The following ZNF85 variants were observed in gnomAD, a reference collection of about 807,000 sequenced individuals.
ZNF85 encodes the protein zinc finger protein 85 (HPF4, HTF1).
A neutral mutation model predicts 53.9 loss-of-function variants in ZNF85; 50 were observed. That is an observed-to-expected ratio of 0.93 (90% CI 0.74 to 1.17). ZNF85 has a LOEUF of 1.17. ZNF85 is among the 50% of genes most tolerant of loss of function. The probability of loss-of-function intolerance (pLI) is 0.00; values close to 1 mark genes in which losing one functional copy is unlikely to be tolerated. For synonymous variants in ZNF85, 225 were observed against 226.1 expected (o/e 1.00, Z 0.04); for missense variants, 747 against 688.5 (o/e 1.08, Z -0.95).
chr19:20,932,295 G>A (rs1973041372), intron 1 of ZNF85, among the ~76,000 whole-genome samples: 1 of 152,124 alleles, frequency 6.6e-6, no homozygotes, highest in Non-Finnish European at 1.5e-5. Context: ...AGAATGCCAT[G>A]CAAATCATTA....
chr19:20,931,774 A>AT (rs1973028463), intron 1 of ZNF85, among the ~76,000 whole-genome samples: 1 of 151,456 alleles, frequency 6.6e-6, no homozygotes. Flanking sequence ...CGCCTGGCTA[A>AT]TTTTTTCTAT....
chr19:20,946,345 A>G (rs774706481), intron 3 of ZNF85: 3 of 433,984 alleles, frequency 6.9e-6, no homozygotes, highest in Non-Finnish European at 1.4e-5. Flanking sequence ...AGAAAGGTGT[A>G]TATCCTGATG....
rs778768749 is a variant in ZNF85, at chr19:20,949,728, A to C, written c.1214A>C (p.Lys405Thr). ...CCTTACAAATGTAAAGAATGTGGTA[A>C]AGCTTTTAAACACTCTTCAACCCTT... ...EKPYKCKECG[K>T]AFKHSSTLTK... is the part of the protein sequence containing the mutation. The change falls in exon 4 of 4, where the codon AAA (lysine) becomes ACA (threonine). Residue 405 changes from lysine to threonine, a missense_variant. By Grantham distance (78) the Lys-to-Thr change is moderately conservative. Transcript: ENST00000328178. 1.2e-6 allele frequency: 2 copies of C among 1,612,904 alleles called. No individual in the cohort carries two copies. Among genetic ancestry groups the C allele is most frequent in the East Asian group, 2.2e-5 (1 of 44,848 alleles).
chr19:20,949,030 A>G lies in ZNF85; in HGVS notation c.516A>G (p.Lys172=), dbSNP rs1568556667. ...ATGAGATAAGACATACTAAAAAGAA[A>G]CCTTTCAAATGTACAAAATGTGGCA... The part of the protein sequence containing the change: ...NRHEIRHTKK[K]PFKCTKCGKS... Residue 172 remains lysine (K), a synonymous_variant, in exon 4 of 4, where the codon AAA becomes AAG. Coordinates refer to ENST00000328178, the MANE Select transcript of ZNF85 (RefSeq NM_003429.5). 2.5e-6 allele frequency: 4 copies of G among 1,613,838 alleles called. No individual in the cohort carries two copies. Among genetic ancestry groups the G allele is most frequent in the Non-Finnish European group, 2.5e-6 (3 of 1,179,816 alleles).
rs140035339 is a variant in ZNF85, at chr19:20,937,961, C to T, written c.229+2914C>T. Reference sequence around the variant, plus strand: ...CTGAATGAGGGCCTGCCTTCCGAAACGGATACTCCTCAATCTTGGGCTTTA... The same window carrying T: ...CTGAATGAGGGCCTGCCTTCCGAAATGGATACTCCTCAATCTTGGGCTTTA... On this transcript the variant is annotated intron_variant, in intron 3 of 3. Transcript: ENST00000328178. Among the ~76,000 whole-genome samples the T allele has an allele frequency of 5.6e-3, 859 of 152,322 alleles. 4 individuals are homozygous for T. Among genetic ancestry groups the T allele is most frequent in the African/African-American group, 0.019 (785 of 41,560 alleles).
chr19:20,938,562 C>T (rs903865831), intron 3 of ZNF85, among the ~76,000 whole-genome samples: 1 of 152,112 alleles, frequency 6.6e-6, no homozygotes, highest in African/African-American at 2.4e-5. Context: ...TGATGTTACT[C>T]TCTATATACA....
intron 3 of ZNF85, among the ~76,000 whole-genome samples, chr19:20,947,674 G>C (rs1206165794): frequency 6.6e-6 from 1 of 151,044 alleles, no homozygotes; most frequent in Non-Finnish European, 1.5e-5. Context: ...ACTTGAAATT[G>C]CACTCATGCA....
chr19:20,945,268 A>G (rs1374974981), intron 3 of ZNF85, among the ~76,000 whole-genome samples: 2 of 152,202 alleles, frequency 1.3e-5, no homozygotes, highest in Non-Finnish European at 2.9e-5. Flanking sequence ...CTGAATACAC[A>G]TTAAACAACT....
At chr19:20,938,884 A>G (rs12162241) in intron 3 of ZNF85, among the ~76,000 whole-genome samples, 35,366 of 144,546 alleles carry the variant, frequency 0.24, 4,366 homozygotes, top group Middle Eastern at 0.31. Context: ...GTGTATATAT[A>G]TGTGTGTGTG....
At chr19:20,943,154 C>G in intron 3 of ZNF85, 1 of 315,804 alleles carries the variant, frequency 3.2e-6, no homozygotes. Flanking sequence ...TGTGTATTCT[C>G]TTGCTTTTGA....
At chr19:20,928,867 A>G (rs1207914390) in intron 1 of ZNF85, among the ~76,000 whole-genome samples, 2 of 152,030 alleles carry the variant, frequency 1.3e-5, no homozygotes, top group Non-Finnish European at 2.9e-5. Flanking sequence ...TACCCCACCC[A>G]TGAAGTTTTT....
At chr19:20,924,236 A>G (rs1039405535) in intron 1 of ZNF85, among the ~76,000 whole-genome samples, 1 of 152,128 alleles carries the variant, frequency 6.6e-6, no homozygotes, top group Non-Finnish European at 1.5e-5. Flanking sequence ...GGTGCATGAT[A>G]AAAAAATCAA....
intron 3 of ZNF85, chr19:20,945,709 T>TC (rs1307787522): frequency 6.6e-6 from 1 of 152,268 alleles, no homozygotes; most frequent in African/African-American, 2.4e-5. Flanking sequence ...GGTCTCGAAC[T>TC]CCTGACCTCA....
At chr19:20,933,957 A>ATGTGTGTGTG (rs56195718) in intron 1 of ZNF85, 67 bp from the exon 2 acceptor site, 151 of 1,158,384 alleles carry the variant, frequency 1.3e-4, no homozygotes, top group Admixed American at 6.5e-4. Context: ...GTTGGTAATT[A>ATGTGTGTGTG]TGTGTGTGTG....
At chr19:20,933,952 T>C in intron 1 of ZNF85, 72 bp from the exon 2 acceptor site, 2 of 1,389,950 alleles carry the variant, frequency 1.4e-6, no homozygotes, top group East Asian at 2.6e-5. Flanking sequence ...AACCAGTTGG[T>C]AATTATGTGT....
intron 3 of ZNF85, chr19:20,943,100 T>C (rs1425791588): frequency 4.9e-6 from 2 of 412,070 alleles, no homozygotes. Flanking sequence ...TAATAAGATT[T>C]GTTATGTGTC....
At position 20,949,360 on chromosome 19, in the gene ZNF85, A is replaced by G; in HGVS notation, c.846A>G (p.Gly282=). The change falls in exon 4 of 4, where the codon GGA becomes GGG. Residue 282 remains glycine (G), a synonymous_variant. Coordinates refer to ENST00000328178, the MANE Select transcript of ZNF85 (RefSeq NM_003429.5). ...CTACCCATAAGATAATTCATACTGG[A>G]GAGAAACCCTACAAATGTAAAGAAT... ...TLTTHKIIHT[G]EKPYKCKECG... The G allele has an allele frequency of 6.2e-7, 1 of 1,609,630 alleles. No homozygotes were observed. The highest frequency in any genetic ancestry group is 8.5e-7 in the Non-Finnish European group (1 of 1,177,066).
Position 20,944,020 on chromosome 19 carries a change from A to G in ZNF85, c.230-4724A>G, listed in dbSNP as rs138238441. 1,241 of 315,718 alleles carry G rather than the reference A, an allele frequency of 3.9e-3. 18 individuals are homozygous for G. The highest frequency in any genetic ancestry group is 0.023 in the South Asian group (180 of 7,870). The allele number at this position is 315,718 out of a possible 1,614,324, so 19.6% of individuals were successfully genotyped here. On this transcript the variant is annotated intron_variant, in intron 3 of 3. Coordinates refer to ENST00000328178, the MANE Select transcript of ZNF85 (RefSeq NM_003429.5). ...CTATATTTTCCAGTTTGTTATTGGT[A>G]TTAAATATTATTTTATGTTGTGTAT...
chr19:20,932,059 G>C (rs951081640), intron 1 of ZNF85, among the ~76,000 whole-genome samples: 3 of 152,188 alleles, frequency 2.0e-5, no homozygotes, highest in African/African-American at 7.2e-5. Flanking sequence ...AAATGAGTGA[G>C]CTTTTTCTGC....
Sources: gnomAD v4.1 joint callset for allele counts (sites outside exome capture counted in the v4.1 genomes callset) on GRCh38, gnomAD v4.1.1 for gene constraint, MANE v1.5 for transcripts, NCBI Gene and HGNC (gene_info 2026-07-23, HGNC 2026-07-21) for gene names.